BACE1: variants seen among roughly 807,000 people sequenced by gnomAD.
The protein encoded by BACE1 is beta-secretase 1.
In BACE1, 21 loss-of-function variants were observed where a neutral mutation model predicts 54.0. The observed-to-expected ratio is 0.39, with a 90% CI of 0.28 to 0.56. The LOEUF is 0.56. Among genes scored for constraint, BACE1 ranks in the 20% least tolerant of loss-of-function variants. The pLI is 0.63. For missense variants in BACE1, 511 were observed against 661.2 expected (o/e 0.77, Z 2.49); for synonymous variants, 232 against 260.9 (o/e 0.89, Z 1.07).
At chr11:117,297,952 A>G (rs1203722063) in intron 1 of BACE1, among the ~76,000 whole-genome samples, 1 of 152,176 alleles carries the variant, frequency 6.6e-6, no homozygotes, top group African/African-American at 2.4e-5. Flanking sequence ...TCAAAGTAGT[A>G]TATTCTGGGG....
Position 117,287,720 on chromosome 11 carries a change from T to G in BACE1, c.*1846A>C, listed in dbSNP as rs2034299566. 1 of 152,650 alleles carries G rather than the reference T, an allele frequency of 6.6e-6. No homozygotes were observed. Among genetic ancestry groups the G allele is most frequent in the Non-Finnish European group, 1.5e-5 (1 of 68,024 alleles). The allele number at this position is 152,650 out of a possible 1,614,324, so 9.5% of individuals were successfully genotyped here. On this transcript the variant is annotated 3_prime_UTR_variant, in exon 9 of 9. Transcript: ENST00000313005. ...AGCTAGAAGTGGACAGTCTCCAGTC[T>G]TCCTGTCAGACTCTGTAGTTATGGG...
At position 117,315,174 on chromosome 11, in the gene BACE1, G is replaced by A. The variant is rs1306613781; in HGVS notation, c.261+361C>T. On this transcript the variant is annotated intron_variant, in intron 1 of 8. Transcript: ENST00000313005. The surrounding 1 kb of genome is among the most constrained non-coding windows in gnomAD (Gnocchi z 5.5). ...CAACCTCTAGAGTGGTGGGATTTGG[G>A]AGACTCGGACTGGGCCACTGTCAGA... 2.0e-5 allele frequency among the ~76,000 whole-genome samples: 3 copies of A among 152,188 alleles called. No homozygotes were observed. The highest frequency in any genetic ancestry group is 7.2e-5 in the African/African-American group (3 of 41,442).
chr11:117,314,178 C>T (rs890013825), intron 1 of BACE1, among the ~76,000 whole-genome samples: 2 of 152,194 alleles, frequency 1.3e-5, no homozygotes, highest in Non-Finnish European at 2.9e-5. Flanking sequence ...TCTCTGCATA[C>T]CTGCTGCTCC....
At position 117,292,875 on chromosome 11, in the gene BACE1, C is replaced by G. The variant is rs2034484866; in HGVS notation, c.840+179G>C. 1.3e-5 allele frequency: 9 copies of G among 681,316 alleles called. No homozygotes were observed. In the South Asian group the frequency reaches 2.1e-4, roughly 16 times the overall value. The allele number at this position is 681,316 out of a possible 1,614,324, so 42.2% of individuals were successfully genotyped here. On this transcript the variant is annotated intron_variant, in intron 5 of 8. Coordinates refer to ENST00000313005, the MANE Select transcript of BACE1 (RefSeq NM_012104.6). ...TTTTTTCACTACCAGTCCCTAGGCC[C>G]CAAACCGCAGATCCTGCTGTGTGAC... is the stretch of plus-strand genomic sequence containing the variant.
At chr11:117,307,693 G>C (rs1167617754) in intron 1 of BACE1, among the ~76,000 whole-genome samples, 1 of 152,150 alleles carries the variant, frequency 6.6e-6, no homozygotes, top group East Asian at 1.9e-4. Flanking sequence ...TTCCACCTTA[G>C]TGCTTTTAGA....
rs891277890 is a variant in BACE1 at position 117,293,587 on chromosome 11, C to T, written c.705+284G>A. Reference sequence around the variant, plus strand: ...ACTTCTTATATCTCTGCCTTCTGACCATCAAACTGAATAATTTTAATTCAA... The same window carrying T: ...ACTTCTTATATCTCTGCCTTCTGACTATCAAACTGAATAATTTTAATTCAA... On this transcript the variant is annotated intron_variant, in intron 4 of 8. Coordinates refer to ENST00000313005, the MANE Select transcript of BACE1 (RefSeq NM_012104.6). The surrounding 1 kb of genome is among the most constrained non-coding windows in gnomAD (Gnocchi z 4.1). 1.3e-5 allele frequency: 4 copies of T among 304,650 alleles called. No individual in the cohort carries two copies. The highest frequency in any genetic ancestry group is 2.4e-5 in the Non-Finnish European group (4 of 168,872). The allele number at this position is 304,650 out of a possible 1,614,324, so 18.9% of individuals were successfully genotyped here.
At chr11:117,311,870 A>C (rs1420894461) in intron 1 of BACE1, among the ~76,000 whole-genome samples, 2 of 152,050 alleles carry the variant, frequency 1.3e-5, no homozygotes, top group East Asian at 3.9e-4. Flanking sequence ...CGAACTCCTG[A>C]CCTTGTGATC....
intron 1 of BACE1, among the ~76,000 whole-genome samples, chr11:117,309,160 CCT>C (rs935382340): frequency 1.9e-4 from 29 of 152,242 alleles, no homozygotes; most frequent in African/African-American, 7.0e-4. Context: ...CTGCCACCAT[CCT>C]CTTTCAGGCC....
intron 1 of BACE1, among the ~76,000 whole-genome samples, chr11:117,305,987 G>C (rs1349849843): frequency 6.6e-6 from 1 of 152,136 alleles, no homozygotes; most frequent in Non-Finnish European, 1.5e-5. Context: ...AGTGAGCCCA[G>C]ATCGCACCAC....
At chr11:117,309,433 A>C (rs917960834) in intron 1 of BACE1, among the ~76,000 whole-genome samples, 3 of 152,102 alleles carry the variant, frequency 2.0e-5, no homozygotes, top group African/African-American at 7.2e-5. Flanking sequence ...CACTCTCCAT[A>C]TTGCAAAGCT....
chr11:117,305,765 G>A (rs2034818516), intron 1 of BACE1, among the ~76,000 whole-genome samples: 1 of 152,094 alleles, frequency 6.6e-6, no homozygotes, highest in Admixed American at 6.6e-5. Context: ...GCCGCGCGCA[G>A]TGGCTCACGC....
At chr11:117,306,687 C>T (rs981314333) in intron 1 of BACE1, among the ~76,000 whole-genome samples, 4 of 152,012 alleles carry the variant, frequency 2.6e-5, no homozygotes, top group Admixed American at 1.3e-4. Context: ...TGTGCGTGCC[C>T]GTAGTCCTAG....
rs759426014 is a variant in BACE1 at position 117,295,152 on chromosome 11, C to T, written c.546G>A (p.Leu182=). 1.4e-5 allele frequency: 23 copies of T among 1,614,002 alleles called. No homozygotes were observed. The highest frequency in any genetic ancestry group is 1.9e-5 in the Non-Finnish European group (22 of 1,180,038). Residue 182 remains leucine, a synonymous_variant, in exon 3 of 9, where the codon CTG becomes CTA. Coordinates refer to ENST00000313005, the MANE Select transcript of BACE1 (RefSeq NM_012104.6). ...TCACCCTGGCAATCTCAGCATAGGCCAGCCCCAGGATGCCTTCCCAGTTGG... is the reference window on the plus strand; with the variant it reads ...TCACCCTGGCAATCTCAGCATAGGCTAGCCCCAGGATGCCTTCCCAGTTGG... ...NGSNWEGILG[L]AYAEIARPDD...
In BACE1 at chr11:117,315,505, G is replaced by C; in HGVS notation, c.261+30C>G. On this transcript the variant is annotated intron_variant, in intron 1 of 8. Transcript: ENST00000313005. This position sits in a 1 kb window ranked among gnomAD's most constrained non-coding sequence, Gnocchi z 5.5. ...TGTCTCCCCTCTGCTCATGCAGGCG[G>C]AGGGCTAAGGGCTGGCCTGACCACC... The C allele has an allele frequency of 1.9e-6, 3 of 1,563,146 alleles. No individual in the cohort carries two copies. Among genetic ancestry groups the C allele is most frequent in the Non-Finnish European group, 2.6e-6 (3 of 1,159,416 alleles).
chr11:117,294,128 C>T, intron 3 of BACE1, 120 bp from the exon 4 acceptor site: 2 of 1,161,466 alleles, frequency 1.7e-6, no homozygotes, highest in Non-Finnish European at 2.4e-6. Flanking sequence ...GAAAGACCAT[C>T]TTAAGGCACT....
chr11:117,310,372 C>A (rs964884758), intron 1 of BACE1, among the ~76,000 whole-genome samples: 5 of 152,072 alleles, frequency 3.3e-5, no homozygotes, highest in African/African-American at 2.4e-5. Context: ...ATTATTATAA[C>A]ACAAAGAGAG....
chr11:117,316,201 T>G lies in BACE1; in HGVS notation c.-406A>C, dbSNP rs1440984343. On this transcript the variant is annotated 5_prime_UTR_variant, in exon 1 of 9. It removes an upstream start codon present in the reference 5' UTR. Coordinates refer to ENST00000313005, the MANE Select transcript of BACE1 (RefSeq NM_012104.6). ...GCTGCGTTGGCTGCTCAGGCCACCA[T>G]AATCCAGCTCGCGGCTCGCAGCTCC... 6.9e-6 allele frequency: 3 copies of G among 435,108 alleles called. No homozygotes were observed. The highest frequency in any genetic ancestry group is 4.3e-5 in the Admixed American group (1 of 23,102). 27.0% of individuals were successfully genotyped at this position (435,108 alleles called of 1,614,324 possible). A position where few individuals can be genotyped will look rare whatever the true frequency, so the allele number is the denominator to read the frequency against.
chr11:117,297,600 A>G (rs2034632384), intron 1 of BACE1, among the ~76,000 whole-genome samples: 1 of 151,990 alleles, frequency 6.6e-6, no homozygotes, highest in Non-Finnish European at 1.5e-5. Flanking sequence ...AGCCTGGGCG[A>G]CAGAGACCCT....
chr11:117,289,926 C>A, intron 8 of BACE1, 119 bp from the exon 9 acceptor site: 1 of 886,168 alleles, frequency 1.1e-6, no homozygotes, highest in Non-Finnish European at 1.7e-6. Flanking sequence ...AATCTCCTTC[C>A]CAGGAGATAT....
Sources: allele counts gnomAD v4.1 joint callset (sites outside exome capture counted in the v4.1 genomes callset), GRCh38; gene constraint gnomAD v4.1.1; non-coding constraint Gnocchi (gnomAD v3.1); transcripts MANE v1.5; gene names NCBI Gene and HGNC (gene_info 2026-07-23, HGNC 2026-07-21).